Variants in TACC2 observed in about 807,000 individuals in gnomAD.
TACC2 encodes the protein transforming acidic coiled-coil containing protein 2, also known as transforming acidic coiled-coil-containing protein 2.
In TACC2, 137 loss-of-function variants were observed where a neutral mutation model predicts 227.3. The ratio of observed to expected loss-of-function variants is 0.60; its 90% confidence interval spans 0.52 to 0.69. The LOEUF (loss-of-function observed/expected upper bound fraction) is 0.69. Among genes scored for constraint, TACC2 ranks in the 30% least tolerant of loss-of-function variants. The pLI, the probability that TACC2 is intolerant of heterozygous loss-of-function variation, is 0.00. For synonymous variants in TACC2, 1,523 were observed against 1,487.5 expected (o/e 1.02, Z -0.55); for missense variants, 3,470 against 3,694.4 (o/e 0.94, Z 1.57).
intron 1 of TACC2, among the ~76,000 whole-genome samples, chr10:122,015,593 T>A (rs962443238): frequency 1.3e-5 from 2 of 152,136 alleles, no homozygotes; most frequent in Non-Finnish European, 2.9e-5. Context: ...GTTTCATGCC[T>A]GTAATCCTAG....
chr10:122,024,474 G>A (rs542229829), intron 2 of TACC2, among the ~76,000 whole-genome samples: 1 of 152,062 alleles, frequency 6.6e-6, no homozygotes, highest in African/African-American at 2.4e-5. Context: ...ATACTGACAC[G>A]GATACAGTCA....
chr10:122,160,536 T>TG (rs1407920198), intron 7 of TACC2, among the ~76,000 whole-genome samples: 19 of 120,144 alleles, frequency 1.6e-4, no homozygotes, highest in Admixed American at 3.1e-4. Context: ...GAAGTGTGTG[T>TG]GTGGGGGGGG....
At chr10:122,199,549 G>C (rs1422289865) in intron 8 of TACC2, among the ~76,000 whole-genome samples, 1 of 152,206 alleles carries the variant, frequency 6.6e-6, no homozygotes, top group Non-Finnish European at 1.5e-5. Flanking sequence ...ACAGGGGTGG[G>C]TGTCACCATG....
rs1266366325 is a variant in TACC2, at chr10:122,166,405, G to T, written c.5834+22699G>T. On this transcript the variant is annotated intron_variant, in intron 7 of 22. Coordinates refer to ENST00000369005, the MANE Select transcript of TACC2 (RefSeq NM_206862.4). Reference sequence around the variant, plus strand: ...TGACAGCTTCATTCTATGCAGGAGTGCATTGGGCTAGGGAGGGAGCGACTT... The same window carrying T: ...TGACAGCTTCATTCTATGCAGGAGTTCATTGGGCTAGGGAGGGAGCGACTT... 2.6e-5 allele frequency among the ~76,000 whole-genome samples: 4 copies of T among 152,210 alleles called. No individual in the cohort carries two copies. In the East Asian group the frequency reaches 7.7e-4, roughly 29 times the overall value.
At chr10:122,250,084 C>T (rs570133495) in intron 22 of TACC2, among the ~76,000 whole-genome samples, 2 of 152,314 alleles carry the variant, frequency 1.3e-5, no homozygotes, top group East Asian at 1.9e-4. Context: ...TGGAAGGGCG[C>T]CCAGGTGGCC....
chr10:122,250,417 C>A (rs1455307597), intron 22 of TACC2, among the ~76,000 whole-genome samples: 1 of 152,230 alleles, frequency 6.6e-6, no homozygotes, highest in African/African-American at 2.4e-5. Flanking sequence ...GTTGGCAGCA[C>A]AATTTTTGCA....
intron 7 of TACC2, among the ~76,000 whole-genome samples, chr10:122,157,364 G>T (rs1424571286): frequency 6.6e-6 from 1 of 152,128 alleles, no homozygotes; most frequent in African/African-American, 2.4e-5. Context: ...AGCCCCTGCC[G>T]TGCTTGCTGA....
chr10:122,136,815 A>G (rs1226129664), intron 6 of TACC2, among the ~76,000 whole-genome samples: 1 of 152,034 alleles, frequency 6.6e-6, no homozygotes, highest in African/African-American at 2.4e-5. Context: ...TGGCCTCCCA[A>G]AGTGCTGGGA....
At chr10:122,097,347 G>C (rs746545066) in intron 5 of TACC2, among the ~76,000 whole-genome samples, 1 of 151,962 alleles carries the variant, frequency 6.6e-6, no homozygotes, top group South Asian at 2.1e-4. Context: ...AAGAAAAGGA[G>C]GAAGAAGAAA....
In TACC2 at chr10:122,176,103, CTCTCTCTCTCTCTCTA is replaced by C. The variant is rs1377158894; in HGVS notation, c.5835-18935_5835-18920del. ...TCTCTCTCTCTCTCTCTCTCTCTCT[CTCTCTCTCTCTCTCTA>C]TATATATATATATATATATATATAT... On this transcript the variant is annotated intron_variant, in intron 7 of 22. Coordinates refer to ENST00000369005, the MANE Select transcript of TACC2 (RefSeq NM_206862.4). Among the ~76,000 whole-genome samples the C allele has an allele frequency of 8.1e-3, 631 of 77,704 alleles. 3 individuals carry two copies. Among genetic ancestry groups the C allele is most frequent in the African/African-American group, 0.028 (478 of 17,294 alleles). The allele number at this position is 77,704 out of a possible 152,430, so 51.0% of individuals were successfully genotyped here.
chr10:122,053,330 C>T (rs898598253), intron 3 of TACC2, among the ~76,000 whole-genome samples: 1 of 152,052 alleles, frequency 6.6e-6, no homozygotes, highest in Non-Finnish European at 1.5e-5. Context: ...AGACCCACTC[C>T]CTATCATGAG....
intron 3 of TACC2, among the ~76,000 whole-genome samples, chr10:122,075,263 C>A (rs772940754): frequency 6.6e-5 from 10 of 151,876 alleles, no homozygotes; most frequent in Admixed American, 1.3e-4. Context: ...ATGCCAAAAC[C>A]GGAATCCTCC....
rs28577000 is a variant in TACC2 at position 121,989,755 on chromosome 10, T to G, written c.-46+267T>G. Among the ~76,000 whole-genome samples the G allele has an allele frequency of 8.1e-3, 861 of 106,776 alleles. 10 individuals carry two copies. Among genetic ancestry groups the G allele is most frequent in the African/African-American group, 0.022 (756 of 33,986 alleles). 70.0% of individuals were successfully genotyped at this position (106,776 alleles called of 152,430 possible). ...ATTTTTATTTTTTAAATTAATTTTA[T>G]TTTTTTTTTTTATGTTTTTAGAGAT... On this transcript the variant is annotated intron_variant, in intron 1 of 22. Coordinates refer to ENST00000369005, the MANE Select transcript of TACC2 (RefSeq NM_206862.4).
Position 122,143,753 on chromosome 10 carries a change from G to A in TACC2, c.5834+47G>A, listed in dbSNP as rs780588199. ...ACAGCACCTGCCCCCGGAGAGCAGG[G>A]GCCTGGTGGTCTCTGCCCCCTAGGT... On this transcript the variant is annotated intron_variant, in intron 7 of 22. Coordinates refer to ENST00000369005, the MANE Select transcript of TACC2 (RefSeq NM_206862.4). 12 of 1,594,428 alleles carry A rather than the reference G, an allele frequency of 7.5e-6. No individual in the cohort carries two copies. The African/African-American group carries it at 1.6e-4, about 21-fold the overall frequency.
intron 11 of TACC2, among the ~76,000 whole-genome samples, chr10:122,219,386 C>G (rs2095480011): frequency 6.6e-6 from 1 of 152,194 alleles, no homozygotes; most frequent in Non-Finnish European, 1.5e-5. Context: ...GTGTGCATTT[C>G]TTGCTTCCCA....
chr10:122,029,214 C>T (rs1399841006), intron 2 of TACC2, among the ~76,000 whole-genome samples: 5 of 151,510 alleles, frequency 3.3e-5, no homozygotes, highest in Admixed American at 2.6e-4. Context: ...GTTCTCTATT[C>T]CTAGTTTGCT....
In TACC2 at chr10:122,180,167, G is replaced by T. The variant is rs2093919695; in HGVS notation, c.5835-14873G>T. ...TGGGTCTCAGCGAGGCCAGGTCATT[G>T]TCATTGTTACCTGCTTCTTGGGTCT... On this transcript the variant is annotated intron_variant, in intron 7 of 22. Coordinates refer to ENST00000369005, the MANE Select transcript of TACC2 (RefSeq NM_206862.4). This position sits in a 1 kb window ranked among gnomAD's most constrained non-coding sequence, Gnocchi z 4.5. 6.6e-6 allele frequency among the ~76,000 whole-genome samples: 1 copy of T among 152,094 alleles called. No homozygotes were observed. The highest frequency in any genetic ancestry group is 1.5e-5 in the Non-Finnish European group (1 of 68,028).
chr10:122,184,532 C>A (rs958836807), intron 7 of TACC2, among the ~76,000 whole-genome samples: 9 of 152,192 alleles, frequency 5.9e-5, no homozygotes, highest in African/African-American at 9.7e-5. Flanking sequence ...TCTGGGGAGA[C>A]CCCTGCGTCC....
Position 122,210,943 on chromosome 10 carries a change from C to A in TACC2, c.6518C>A (p.Thr2173Lys). 1 of 1,613,922 alleles carries A rather than the reference C, an allele frequency of 6.2e-7. No individual in the cohort carries two copies. The highest frequency in any genetic ancestry group is 1.3e-5 in the African/African-American group (1 of 74,974). ...AGTGGGGAGAATCTAGCATCTGAGA[C>A]GAAAACGGAATCTGCCAAGACGGAA... ...VPSGENLASETKTESAKTEGP... is the reference protein window; with the variant it reads ...VPSGENLASEKKTESAKTEGP... Residue 2173 changes from threonine to lysine, a missense_variant, in exon 9 of 23, where the codon ACG becomes AAG. Thr to Lys is a moderately conservative substitution (Grantham distance 78). Around this residue, in one of 10 missense-constraint regions of TACC2, gnomAD observed 593 missense variants for 636.6 expected, o/e 0.93. Coordinates refer to ENST00000369005, the MANE Select transcript of TACC2 (RefSeq NM_206862.4). The surrounding 1 kb of genome is among the most constrained non-coding windows in gnomAD (Gnocchi z 4.6).
Sources: gnomAD v4.1 joint callset for allele counts (sites outside exome capture counted in the v4.1 genomes callset) on GRCh38, gnomAD v4.1.1 for gene constraint, gnomAD v4.1.1 regional missense constraint, Gnocchi (gnomAD v3.1) non-coding constraint, MANE v1.5 for transcripts, NCBI Gene and HGNC (gene_info 2026-07-23, HGNC 2026-07-21) for gene names.